Variants in DPYD observed in about 807,000 individuals in gnomAD.
The protein encoded by DPYD is dihydropyrimidine dehydrogenase.
Under a neutral mutation model 116.2 loss-of-function variants are expected in DPYD, and 109 were observed. The ratio of observed to expected loss-of-function variants is 0.94; its 90% confidence interval spans 0.80 to 1.10. The LOEUF (loss-of-function observed/expected upper bound fraction) is 1.10. DPYD is among the 50% of genes least tolerant of loss of function. The pLI is 0.00. For synonymous variants in DPYD, 440 were observed against 432.0 expected, an observed-to-expected ratio of 1.02 and a Z score of -0.23; for missense variants, 1,302 against 1,254.5, an observed-to-expected ratio of 1.04 and a Z score of -0.57.
At chr1:97,688,077 C>T (rs1161688196) in intron 7 of DPYD, among the ~76,000 whole-genome samples, 2 of 152,068 alleles carry the variant, frequency 1.3e-5, no homozygotes, top group African/African-American at 4.8e-5. Flanking sequence ...CCATGTCACA[C>T]GTTTACCTAT....
chr1:97,425,351 G>A (rs1411481596), intron 14 of DPYD, among the ~76,000 whole-genome samples: 3 of 151,960 alleles, frequency 2.0e-5, no homozygotes, highest in African/African-American at 7.2e-5. Flanking sequence ...TAAGCAAATC[G>A]AGATATTTCA....
At chr1:97,917,375 G>A (rs141119261) in intron 1 of DPYD, among the ~76,000 whole-genome samples, 5 of 152,170 alleles carry the variant, frequency 3.3e-5, no homozygotes, top group Non-Finnish European at 7.4e-5. Context: ...TATAACCCAT[G>A]ACTTTCCTTG....
At chr1:97,683,524 A>C (rs1323470088) in intron 7 of DPYD, among the ~76,000 whole-genome samples, 3 of 151,922 alleles carry the variant, frequency 2.0e-5, no homozygotes, top group African/African-American at 7.2e-5. Flanking sequence ...ACATATTTTA[A>C]ATATGCAAAA....
rs1250612524 is a variant in DPYD, at chr1:97,373,448, C to T, written c.2058+113G>A. The T allele has an allele frequency of 3.0e-5, 26 of 877,140 alleles. No homozygotes were observed. In the East Asian group the frequency reaches 5.9e-4, roughly 20 times the overall value. The allele number at this position is 877,140 out of a possible 1,614,324, so 54.3% of individuals were successfully genotyped here. On this transcript the variant is annotated intron_variant, in intron 16 of 22. Transcript: ENST00000370192. ...ATTTAAACAATGCAGACCTGGAAGTCTCTAGCCAGTCATCTGATCCATGCA... is the reference window on the plus strand; with the variant it reads ...ATTTAAACAATGCAGACCTGGAAGTTTCTAGCCAGTCATCTGATCCATGCA...
At chr1:97,595,387 CATT>C (rs1654809368) in intron 8 of DPYD, among the ~76,000 whole-genome samples, 1 of 151,952 alleles carries the variant, frequency 6.6e-6, no homozygotes, top group South Asian at 2.1e-4. Context: ...GTAAATCACA[CATT>C]AATGTATACC....
intron 18 of DPYD, among the ~76,000 whole-genome samples, chr1:97,288,898 T>G (rs938433938): frequency 4.6e-4 from 70 of 151,958 alleles, no homozygotes; most frequent in Non-Finnish European, 6.0e-4. Context: ...GAATCCAGGA[T>G]CTGGTTTTTT....
intron 20 of DPYD, among the ~76,000 whole-genome samples, chr1:97,178,672 T>C (rs559581282): frequency 1.3e-5 from 2 of 152,208 alleles, no homozygotes; most frequent in South Asian, 4.1e-4. Context: ...AAATGAACTT[T>C]TCCATTTCAT....
intron 2 of DPYD, among the ~76,000 whole-genome samples, chr1:97,833,545 A>G (rs895348932): frequency 2.0e-5 from 3 of 152,168 alleles, no homozygotes; most frequent in African/African-American, 7.2e-5. Flanking sequence ...AGACCTTACC[A>G]TTACTGTCTA....
chr1:97,288,902 G>A (rs1056924310), intron 18 of DPYD, among the ~76,000 whole-genome samples: 1 of 152,008 alleles, frequency 6.6e-6, no homozygotes, highest in Non-Finnish European at 1.5e-5. Context: ...CCAGGATCTG[G>A]TTTTTTGAAA....
intron 8 of DPYD, among the ~76,000 whole-genome samples, chr1:97,672,020 C>T (rs1178300529): frequency 6.7e-6 from 1 of 149,764 alleles, no homozygotes; most frequent in Non-Finnish European, 1.5e-5. Flanking sequence ...TCTCACCTCA[C>T]GGCAACCTCC....
At chr1:97,215,274 G>A (rs2101879903) in intron 19 of DPYD, among the ~76,000 whole-genome samples, 1 of 152,280 alleles carries the variant, frequency 6.6e-6, no homozygotes, top group South Asian at 2.1e-4. Context: ...ACAGAGCTGG[G>A]ATTTCAACCC....
chr1:97,728,802 T>C (rs1663414084), intron 4 of DPYD, among the ~76,000 whole-genome samples: 1 of 152,076 alleles, frequency 6.6e-6, no homozygotes, highest in Non-Finnish European at 1.5e-5. Flanking sequence ...ACACAGAAAG[T>C]ACATGCACAC....
At chr1:97,345,633 A>C (rs762104981) in intron 16 of DPYD, among the ~76,000 whole-genome samples, 9 of 151,892 alleles carry the variant, frequency 5.9e-5, no homozygotes, top group Admixed American at 1.3e-4. Context: ...GCAGGAAGAA[A>C]AGTGATGGGT....
At chr1:97,854,942 A>C (rs1670744988) in intron 2 of DPYD, 1 of 152,206 alleles carries the variant, frequency 6.6e-6, no homozygotes, top group Non-Finnish European at 1.5e-5. Flanking sequence ...AGAACCCATG[A>C]ATGCTTTATG....
chr1:97,116,033 A>T (rs974033364), intron 20 of DPYD, among the ~76,000 whole-genome samples: 1 of 152,190 alleles, frequency 6.6e-6, no homozygotes, highest in African/African-American at 2.4e-5. Context: ...CTGTGATGCT[A>T]ACTTTCCAAG....
chr1:97,672,903 T>C (rs1036805604), intron 8 of DPYD, among the ~76,000 whole-genome samples: 3 of 151,882 alleles, frequency 2.0e-5, no homozygotes, highest in Non-Finnish European at 4.4e-5. Flanking sequence ...ATCTTCACAT[T>C]TAAAAAAATA....
intron 8 of DPYD, among the ~76,000 whole-genome samples, chr1:97,633,819 A>G (rs894041395): frequency 3.9e-5 from 6 of 152,088 alleles, no homozygotes; most frequent in Non-Finnish European, 7.4e-5. Flanking sequence ...TGGCTAGACA[A>G]TATATGGGGG....
intron 15 of DPYD, among the ~76,000 whole-genome samples, chr1:97,381,269 A>G (rs969606453): frequency 2.6e-5 from 4 of 152,202 alleles, no homozygotes; most frequent in Non-Finnish European, 4.4e-5. Flanking sequence ...TTTGCTTATA[A>G]TTAAAGGCTT....
At chr1:97,635,324 C>T (rs1657499504) in intron 8 of DPYD, among the ~76,000 whole-genome samples, 1 of 152,104 alleles carries the variant, frequency 6.6e-6, no homozygotes, top group South Asian at 2.1e-4. Flanking sequence ...CTTTGTGAGG[C>T]ACAGTCTATT....
Sources: gnomAD v4.1 joint callset for allele counts (sites outside exome capture counted in the v4.1 genomes callset) on GRCh38, gnomAD v4.1.1 for gene constraint, MANE v1.5 for transcripts, NCBI Gene and HGNC (gene_info 2026-07-23, HGNC 2026-07-21) for gene names.